Variants in SH3PXD2B observed in about 807,000 individuals in gnomAD.
SH3PXD2B encodes the protein SH3 and PX domain-containing protein 2B.
SH3PXD2B carries 37 observed loss-of-function variants against 73.1 expected under a neutral mutation model. The ratio of observed to expected loss-of-function variants is 0.51; its 90% confidence interval spans 0.39 to 0.67. The LOEUF is 0.67. Among genes scored for constraint, SH3PXD2B ranks in the 30% least tolerant of loss-of-function variants. The pLI is 0.00. For missense variants in SH3PXD2B, 1,053 were observed against 1,197.8 expected (o/e 0.88, Z 1.78); for synonymous variants, 457 against 480.5 (o/e 0.95, Z 0.64).
intron 2 of SH3PXD2B, among the ~76,000 whole-genome samples, chr5:172,411,216 T>TTTAAAGAATG (rs1387180032): frequency 6.6e-6 from 1 of 152,198 alleles, no homozygotes; most frequent in East Asian, 1.9e-4. Flanking sequence ...CTTTTTTTTT[T>TTTAAAGAATG]TTAAAGAATG....
At position 172,337,236 on chromosome 5, in the gene SH3PXD2B, C is replaced by T. The variant is rs1581257064; in HGVS notation, c.*1133G>A. 1 of 985,406 alleles carries T rather than the reference C, an allele frequency of 1.0e-6. No individual in the cohort carries two copies. Among genetic ancestry groups the T allele is most frequent in the Non-Finnish European group, 1.2e-6 (1 of 829,882 alleles). 61.0% of individuals were successfully genotyped at this position (985,406 alleles called of 1,614,324 possible). On this transcript the variant is annotated 3_prime_UTR_variant, in exon 13 of 13. Coordinates refer to ENST00000311601, the MANE Select transcript of SH3PXD2B (RefSeq NM_001017995.3). Reference sequence around the variant, plus strand: ...GTGGGTGTGGGAGCAGCCACGAATGCCCCCTCACCCCCCTCACAATGAAGC... The same window carrying T: ...GTGGGTGTGGGAGCAGCCACGAATGTCCCCTCACCCCCCTCACAATGAAGC...
At chr5:172,374,657 G>A (rs1283103924) in intron 5 of SH3PXD2B, among the ~76,000 whole-genome samples, 1 of 152,174 alleles carries the variant, frequency 6.6e-6, no homozygotes, top group Non-Finnish European at 1.5e-5. Context: ...CTCTAGCCTG[G>A]GTGACAGAGC....
At chr5:172,413,456 G>T (rs2060227) in intron 2 of SH3PXD2B, among the ~76,000 whole-genome samples, 137,524 of 152,296 alleles carry the variant, frequency 0.9, 62,291 homozygotes, top group African/African-American at 0.98. Context: ...TACTACTGTT[G>T]GCCCTCTCTT....
intron 1 of SH3PXD2B, among the ~76,000 whole-genome samples, chr5:172,424,930 C>T (rs6859752): frequency 0.34 from 52,313 of 152,012 alleles, 9,433 homozygotes; most frequent in East Asian, 0.67. Context: ...TCCCTGCTCA[C>T]AAAAACAGGC....
intron 7 of SH3PXD2B, among the ~76,000 whole-genome samples, chr5:172,361,757 G>A (rs1310243855): frequency 6.6e-6 from 1 of 152,214 alleles, no homozygotes. Flanking sequence ...GTGAAGCAGG[G>A]ATGGCAACTC....
At chr5:172,382,013 G>A (rs759675181) in intron 5 of SH3PXD2B, 23 bp downstream of exon 5, 1 of 1,584,992 alleles carries the variant, frequency 6.3e-7, no homozygotes. Context: ...GCTCCATCTG[G>A]GGAAGCCCAC....
At chr5:172,400,744 C>T (rs533410838) in intron 3 of SH3PXD2B, among the ~76,000 whole-genome samples, 7 of 152,296 alleles carry the variant, frequency 4.6e-5, no homozygotes, top group East Asian at 1.9e-4. Flanking sequence ...AAAATTTGGA[C>T]GAACAATCAA....
intron 3 of SH3PXD2B, among the ~76,000 whole-genome samples, chr5:172,403,046 T>C (rs568016940): frequency 2.6e-5 from 4 of 152,350 alleles, no homozygotes; most frequent in East Asian, 1.9e-4. Context: ...TGAGGTGCCA[T>C]GGGCAGCGGC....
At chr5:172,453,755 ATTCCCAGAGATC>A (rs1238150686) in intron 1 of SH3PXD2B, among the ~76,000 whole-genome samples, 3 of 152,190 alleles carry the variant, frequency 2.0e-5, no homozygotes, top group African/African-American at 7.2e-5. Flanking sequence ...CAAATGATCC[ATTCCCAGAGATC>A]TCCTCCATCG....
At position 172,336,516 on chromosome 5, in the gene SH3PXD2B, A is replaced by G; in HGVS notation, c.*1853T>C. On this transcript the variant is annotated 3_prime_UTR_variant, in exon 13 of 13. Transcript: ENST00000311601. ...CAGAGGAAGCTCCTCACGCAGAAGC[A>G]GCCAGCACCCACGTGATAGGGGGTG... is the stretch of plus-strand genomic sequence containing the variant. The G allele has an allele frequency of 2.1e-6, 2 of 953,472 alleles. No individual in the cohort carries two copies. Among genetic ancestry groups the G allele is most frequent in the Non-Finnish European group, 2.4e-6 (2 of 816,714 alleles). 59.1% of individuals were successfully genotyped at this position (953,472 alleles called of 1,614,324 possible).
In SH3PXD2B at chr5:172,422,378, T is replaced by C. The variant is rs372813737; in HGVS notation, c.156+38A>G. 3.9e-6 allele frequency: 6 copies of C among 1,551,446 alleles called. No individual in the cohort carries two copies. The African/African-American group carries it at 4.1e-5, about 10-fold the overall frequency. On this transcript the variant is annotated intron_variant, in intron 2 of 12. Coordinates refer to ENST00000311601, the MANE Select transcript of SH3PXD2B (RefSeq NM_001017995.3). Reference sequence around the variant, plus strand: ...GGAATGTAAGTCCAATTAAACTCTTTCCGATCCTGCAGCTCACCAGAGACC... The same window carrying C: ...GGAATGTAAGTCCAATTAAACTCTTCCCGATCCTGCAGCTCACCAGAGACC...
rs755567540 is a variant in SH3PXD2B, at chr5:172,339,229, TCTC to T, written c.1873_1875del (p.Glu625del). 8.1e-6 allele frequency: 13 copies of T among 1,614,078 alleles called. No individual in the cohort carries two copies. In the East Asian group the frequency reaches 1.1e-4, roughly 14 times the overall value. On this transcript the variant is annotated inframe_deletion, in exon 13 of 13. Transcript: ENST00000311601. The surrounding 1 kb of genome is among the most constrained non-coding windows in gnomAD (Gnocchi z 6.1). ...GGATTCTGGGGAGTGGCATCTGGCT[TCTC>T]CTCTGGCAGGTCAGTTTTGGATTTG...
rs141890300 is a variant in SH3PXD2B, at chr5:172,346,169, G to A, written c.1155C>T (p.Asp385=). The change falls in exon 12 of 13, where the codon GAC becomes GAT. Residue 385 remains aspartate, a synonymous_variant. Transcript: ENST00000311601. ...TCAGGCCTGCCTGGAAGCTGATGCC[G>A]TCTGGGATGGTTGTCTGGAATTCGG... ...TIAEFQTTIP[D]GISFQAGLKV... 5.1e-4 allele frequency: 822 copies of A among 1,614,038 alleles called. 1 individual carries two copies. Among genetic ancestry groups the A allele is most frequent in the Non-Finnish European group, 6.2e-4 (732 of 1,180,018 alleles).
In SH3PXD2B at chr5:172,346,201, T is replaced by C. The variant is rs768373135; in HGVS notation, c.1123A>G (p.Thr375Ala). The C allele has an allele frequency of 6.2e-7, 1 of 1,614,102 alleles. No individual in the cohort carries two copies. The highest frequency in any genetic ancestry group is 8.5e-7 in the Non-Finnish European group (1 of 1,180,004). Residue 375 changes from threonine to alanine, a missense_variant, in exon 12 of 13, where the codon ACC becomes GCC. Coordinates refer to ENST00000311601, the MANE Select transcript of SH3PXD2B (RefSeq NM_001017995.3). ...IPPQVEEEYY[T>A]IAEFQTTIPD... is the part of the protein sequence containing the mutation. ...ATGGTTGTCTGGAATTCGGCGATGG[T>C]GTAATACTCTTCCTCCACTTGGGGC...
At chr5:172,340,712 A>C (rs1756831400) in intron 12 of SH3PXD2B, among the ~76,000 whole-genome samples, 2 of 152,160 alleles carry the variant, frequency 1.3e-5, no homozygotes, top group East Asian at 3.9e-4. Flanking sequence ...CTCATGCCTT[A>C]GTCTCCCAAG....
chr5:172,402,668 TC>T (rs1320670228), intron 3 of SH3PXD2B, among the ~76,000 whole-genome samples: 1 of 151,998 alleles, frequency 6.6e-6, no homozygotes, highest in African/African-American at 2.4e-5. Flanking sequence ...GGGGGTGGGT[TC>T]CCCCAATAGG....
intron 3 of SH3PXD2B, among the ~76,000 whole-genome samples, chr5:172,398,525 T>C (rs1758357228): frequency 6.6e-6 from 1 of 152,212 alleles, no homozygotes; most frequent in Admixed American, 6.5e-5. Flanking sequence ...AAAGAATTAA[T>C]TGACTGTTAT....
At chr5:172,381,923 G>C in intron 5 of SH3PXD2B, 113 bp downstream of exon 5, 2 of 743,044 alleles carry the variant, frequency 2.7e-6, no homozygotes, top group Non-Finnish European at 4.6e-6. Flanking sequence ...TCTCACAGGG[G>C]CTCAGCCGAC....
In SH3PXD2B at chr5:172,353,231, G is replaced by A. The variant is rs778951775; in HGVS notation, c.785+657C>T. On this transcript the variant is annotated intron_variant, in intron 9 of 12. Coordinates refer to ENST00000311601, the MANE Select transcript of SH3PXD2B (RefSeq NM_001017995.3). The surrounding 1 kb of genome is among the most constrained non-coding windows in gnomAD (Gnocchi z 4.3). Reference sequence around the variant, plus strand: ...CGAATGTCCCGCCACACATCACAGCGCAGACACTAGATTGCAGGGACCTCG... The same window carrying A: ...CGAATGTCCCGCCACACATCACAGCACAGACACTAGATTGCAGGGACCTCG... Among the ~76,000 whole-genome samples the A allele has an allele frequency of 7.2e-5, 11 of 152,160 alleles. No individual in the cohort carries two copies. Among genetic ancestry groups the A allele is most frequent in the Non-Finnish European group, 7.3e-5 (5 of 68,030 alleles).
Sources: gnomAD v4.1 joint callset for allele counts (sites outside exome capture counted in the v4.1 genomes callset) on GRCh38, gnomAD v4.1.1 for gene constraint, Gnocchi (gnomAD v3.1) non-coding constraint, MANE v1.5 for transcripts, NCBI Gene and HGNC (gene_info 2026-07-23, HGNC 2026-07-21) for gene names.